JAK2: variants seen among roughly 807,000 people sequenced by gnomAD.
The protein encoded by JAK2 is tyrosine-protein kinase JAK2.
JAK2 carries 86 observed loss-of-function variants against 139.3 expected under a neutral mutation model. The ratio of observed to expected loss-of-function variants is 0.62; its 90% confidence interval spans 0.52 to 0.74. JAK2 has a LOEUF of 0.74. Among genes scored for constraint, JAK2 ranks in the 30% least tolerant of loss-of-function variants. JAK2 has a pLI of 0.00. For missense variants in JAK2, 1,421 were observed against 1,360.3 expected (o/e 1.04, Z -0.70); for synonymous variants, 490 against 437.7 (o/e 1.12, Z -1.49).
intron 22 of JAK2, among the ~76,000 whole-genome samples, chr9:5,119,504 G>A (rs998874575): frequency 3.3e-5 from 5 of 151,724 alleles, no homozygotes; most frequent in Non-Finnish European, 7.4e-5. Context: ...AATCATGAGG[G>A]CAGTCAGGAT....
At chr9:5,109,789 A>G (rs926173118) in intron 22 of JAK2, 1 of 152,194 alleles carries the variant, frequency 6.6e-6, no homozygotes, top group Non-Finnish European at 1.5e-5. Context: ...TCTCAATATG[A>G]TATATAAACT....
Position 5,126,802 on chromosome 9 carries a change from C to T in JAK2, c.*11C>T. 1 of 1,547,216 alleles carries T rather than the reference C, an allele frequency of 6.5e-7. No homozygotes were observed. Among genetic ancestry groups the T allele is most frequent in the Non-Finnish European group, 8.9e-7 (1 of 1,123,324 alleles). On this transcript the variant is annotated 3_prime_UTR_variant, in exon 25 of 25. Coordinates refer to ENST00000381652, the MANE Select transcript of JAK2 (RefSeq NM_004972.4). ...AACATGGCTGGATGAAAGAAATGAC[C>T]TTCATTCTGAGACCAAAGTAGATTT...
chr9:5,111,424 G>A (rs898474968), intron 22 of JAK2: 2 of 398,602 alleles, frequency 5.0e-6, no homozygotes, highest in Admixed American at 3.3e-5. Context: ...AGCCCACGAA[G>A]GTCGGGAAGG....
At chr9:5,126,540 G>A in intron 24 of JAK2, 94 bp downstream of exon 24, 1 of 977,652 alleles carries the variant, frequency 1.0e-6, no homozygotes. Context: ...AATGTGCGGA[G>A]CTTCCAGATA....
At chr9:5,042,403 C>T (rs554094348) in intron 4 of JAK2, among the ~76,000 whole-genome samples, 67 of 152,258 alleles carry the variant, frequency 4.4e-4, no homozygotes, top group African/African-American at 1.5e-3. Context: ...TCCCAAAGTG[C>T]TGGGATTACA....
chr9:5,021,019 A>G (rs2130063560), intron 2 of JAK2, among the ~76,000 whole-genome samples: 1 of 152,210 alleles, frequency 6.6e-6, no homozygotes, highest in East Asian at 1.9e-4. Flanking sequence ...TGTTACTCCC[A>G]GGGCCCATGA....
chr9:5,051,594 T>A (rs1283152417), intron 6 of JAK2, among the ~76,000 whole-genome samples: 1 of 152,184 alleles, frequency 6.6e-6, no homozygotes. Context: ...TTCTGCATAT[T>A]GAACTTGACA....
In JAK2 at chr9:5,070,060, A is replaced by T. The variant is rs751902353; in HGVS notation, c.1641+8A>T. On this transcript the variant is annotated splice_region_variant and intron_variant, in intron 12 of 24. Coordinates refer to ENST00000381652, the MANE Select transcript of JAK2 (RefSeq NM_004972.4). ...AATGAAGATTTGATATTTGTAAGTCATTAGATACTCATTACTGTCTTTTTT... is the reference window on the plus strand; with the variant it reads ...AATGAAGATTTGATATTTGTAAGTCTTTAGATACTCATTACTGTCTTTTTT... 6.3e-7 allele frequency: 1 copy of T among 1,589,122 alleles called. No individual in the cohort carries two copies. The highest frequency in any genetic ancestry group is 1.3e-5 in the African/African-American group (1 of 74,282).
chr9:5,002,089 T>C (rs1291533434), intron 2 of JAK2, among the ~76,000 whole-genome samples: 3 of 151,972 alleles, frequency 2.0e-5, no homozygotes, highest in Non-Finnish European at 4.4e-5. Context: ...TTGATCATCT[T>C]AGAGGTTTAT....
intron 2 of JAK2, among the ~76,000 whole-genome samples, chr9:5,015,196 T>C (rs1821962200): frequency 6.6e-6 from 1 of 152,190 alleles, no homozygotes; most frequent in Non-Finnish European, 1.5e-5. Context: ...TTGGGTTGTT[T>C]GCAGTTTTTG....
At position 5,069,140 on chromosome 9, in the gene JAK2, A is replaced by C; in HGVS notation, c.1445A>C (p.Gln482Pro). 1 of 1,613,422 alleles carries C rather than the reference A, an allele frequency of 6.2e-7. No individual in the cohort carries two copies. Among genetic ancestry groups the C allele is most frequent in the Non-Finnish European group, 8.5e-7 (1 of 1,179,556 alleles). Reference sequence around the variant, plus strand: ...CTTAAAGATCTTTTGAATTGTTACCAGATGGAAACTGTTCGCTCAGACAAT... The same window carrying C: ...CTTAAAGATCTTTTGAATTGTTACCCGATGGAAACTGTTCGCTCAGACAAT... ...SSLKDLLNCYQMETVRSDNII... is the reference protein window; with the variant it reads ...SSLKDLLNCYPMETVRSDNII... Residue 482 changes from glutamine to proline, a missense_variant, in exon 11 of 25, where the codon CAG becomes CCG. Transcript: ENST00000381652.
At chr9:5,062,877 T>C (rs1026724354) in intron 8 of JAK2, among the ~76,000 whole-genome samples, 17 of 152,204 alleles carry the variant, frequency 1.1e-4, no homozygotes, top group African/African-American at 3.6e-4. Flanking sequence ...CTTCTGTGGA[T>C]TGCCTTTTCA....
chr9:5,102,327 G>A (rs1821566020), intron 22 of JAK2, among the ~76,000 whole-genome samples: 1 of 152,082 alleles, frequency 6.6e-6, no homozygotes, highest in South Asian at 2.1e-4. Flanking sequence ...AAAGCGAGAG[G>A]AGAAGTTTAG....
At chr9:5,072,448 C>A (rs375856666) in intron 12 of JAK2, 44 bp from the exon 13 acceptor site, 107 of 1,431,288 alleles carry the variant, frequency 7.5e-5, no homozygotes, top group Non-Finnish European at 9.6e-5. Context: ...CTACTTCGTT[C>A]TCCATCTTTA....
intron 2 of JAK2, among the ~76,000 whole-genome samples, chr9:5,021,243 G>C (rs1340733626): frequency 1.3e-5 from 2 of 152,072 alleles, no homozygotes; most frequent in Non-Finnish European, 2.9e-5. Context: ...TCTCTTAGAT[G>C]ACCTATTCAA....
chr9:5,022,413 A>C (rs899707345), intron 3 of JAK2, among the ~76,000 whole-genome samples, 200 bp downstream of exon 3: 2 of 152,186 alleles, frequency 1.3e-5, no homozygotes, highest in Non-Finnish European at 2.9e-5. Context: ...TAGGTATCAA[A>C]ACAAATTGAT....
chr9:5,020,920 G>A (rs73639256), intron 2 of JAK2, among the ~76,000 whole-genome samples: 1 of 152,138 alleles, frequency 6.6e-6, no homozygotes, highest in Non-Finnish European at 1.5e-5. Context: ...GCACCGTGCT[G>A]TAGCTGCTTA....
In JAK2 at chr9:5,032,106, G is replaced by A. The variant is rs183828006; in HGVS notation, c.350+2200G>A. ...GGTATTAGCAAATGGCACATATCCC[G>A]CGCCTGGCTCAGAGGGTCCTACGCC... On this transcript the variant is annotated intron_variant, in intron 4 of 24. Transcript: ENST00000381652. Among the ~76,000 whole-genome samples the A allele has an allele frequency of 5.9e-5, 9 of 152,320 alleles. No individual in the cohort carries two copies. In the East Asian group the frequency reaches 1.2e-3, roughly 20 times the overall value.
chr9:5,114,187 T>C lies in JAK2; in HGVS notation c.3060-8817T>C. The C allele has an allele frequency of 4.4e-6, 2 of 454,354 alleles. 1 individual carries two copies. The allele number at this position is 454,354 out of a possible 1,614,324, so 28.1% of individuals were successfully genotyped here. A position where few individuals can be genotyped will look rare whatever the true frequency, so the allele number is the denominator to read the frequency against. Reference sequence around the variant, plus strand: ...TGTGCAGATTCTAACCCGCAAGGGGTGAGCACCTACCTGAGCCGGTCCAGC... The same window carrying C: ...TGTGCAGATTCTAACCCGCAAGGGGCGAGCACCTACCTGAGCCGGTCCAGC... On this transcript the variant is annotated intron_variant, in intron 22 of 24. Transcript: ENST00000381652.
Sources: gnomAD v4.1 joint callset for allele counts (sites outside exome capture counted in the v4.1 genomes callset) on GRCh38, gnomAD v4.1.1 for gene constraint, MANE v1.5 for transcripts, NCBI Gene and HGNC (gene_info 2026-07-23, HGNC 2026-07-21) for gene names.